The following SEM1 variants were observed in gnomAD, a reference collection of about 807,000 sequenced individuals.
The protein encoded by SEM1 is SEM1 26S proteasome subunit.
In SEM1, 3 loss-of-function variants were observed where a neutral mutation model predicts 12.7. The ratio of observed to expected loss-of-function variants is 0.24; its 90% CI spans 0.11 to 0.61. The LOEUF is 0.61. SEM1 is among the 20% of genes least tolerant of loss of function. SEM1 has a pLI of 0.88. For missense variants in SEM1, 59 were observed against 81.3 expected (o/e 0.73, Z 1.06); for synonymous variants, 30 against 27.8 (o/e 1.08, Z -0.25).
At chr7:96,621,601 C>G (rs1215726176), downstream of SEM1, 2 of 152,132 alleles carry the variant, frequency 1.3e-5, no homozygotes, top group African/African-American at 4.8e-5. Flanking sequence ...TTCTCCAGTT[C>G]TCCCTCCATC....
At chr7:96,484,725 G>A (rs1052849450) in intron 3 of SEM1, 10 of 634,788 alleles carry the variant, frequency 1.6e-5, no homozygotes, top group Middle Eastern at 4.0e-4. Context: ...TAACTCTTCC[G>A]AATGACTCAA....
In SEM1 at chr7:96,552,966, T is replaced by A. The variant is rs1286904522; in HGVS notation, c.171-46268A>T. 7.9e-5 allele frequency among the ~76,000 whole-genome samples: 12 copies of A among 151,634 alleles called. No individual in the cohort carries two copies. In the East Asian group the frequency reaches 1.9e-3, roughly 24 times the overall value. On this transcript the variant is annotated intron_variant and NMD_transcript_variant, in intron 2 of 3. Transcript: ENST00000466986. ...GCCAGTGATGATGAGCATTTTTTCA[T>A]GTGTCTTTTGGCTGCATAAATGTCT... is the stretch of plus-strand genomic sequence containing the variant.
intron 2 of SEM1, among the ~76,000 whole-genome samples, chr7:96,683,024 T>C (rs895832490): frequency 5.9e-5 from 9 of 152,064 alleles, no homozygotes; most frequent in African/African-American, 2.2e-4. Context: ...TCATGCCAGT[T>C]AGAATGGCGA....
At chr7:96,638,919 A>G (rs1215483371) in intron 2 of SEM1, among the ~76,000 whole-genome samples, 1 of 151,984 alleles carries the variant, frequency 6.6e-6, no homozygotes, top group African/African-American at 2.4e-5. Flanking sequence ...GTGACTTTGA[A>G]CAACTTACTC....
chr7:96,484,778 A>G, intron 3 of SEM1: 1 of 1,180,876 alleles, frequency 8.5e-7, no homozygotes, highest in Non-Finnish European at 1.1e-6. Flanking sequence ...CTCTCACCAT[A>G]CAGAAAAGTT....
chr7:96,651,746 A>AT (rs1245897567), intron 2 of SEM1, among the ~76,000 whole-genome samples: 9 of 152,074 alleles, frequency 5.9e-5, no homozygotes, highest in African/African-American at 2.2e-4. Context: ...TAATGTTTAT[A>AT]TTTTTTAGTA....
intron 2 of SEM1, among the ~76,000 whole-genome samples, chr7:96,584,149 T>G (rs1257195167): frequency 1.3e-5 from 2 of 152,198 alleles, no homozygotes; most frequent in East Asian, 1.9e-4. Context: ...AGGAGCTCTT[T>G]TTGGGTAGGC....
downstream of SEM1, among the ~76,000 whole-genome samples, chr7:96,620,013 C>T (rs977987292): frequency 2.0e-5 from 3 of 152,116 alleles, no homozygotes; most frequent in African/African-American, 7.2e-5. Flanking sequence ...ACTTGTGTCT[C>T]AGTCTTATGC....
intron 2 of SEM1, among the ~76,000 whole-genome samples, chr7:96,548,119 A>C (rs1805158376): frequency 6.6e-6 from 1 of 152,158 alleles, no homozygotes; most frequent in Non-Finnish European, 1.5e-5. Flanking sequence ...ATGAACAATA[A>C]AAAAATTGAA....
At chr7:96,486,450 CT>C (rs1393865091) in intron 1 of SEM1, 10 of 1,520,286 alleles carry the variant, frequency 6.6e-6, no homozygotes, top group Non-Finnish European at 8.8e-6. Flanking sequence ...TATCCTAGAC[CT>C]TTCAGGCTGG....
intron 2 of SEM1, among the ~76,000 whole-genome samples, chr7:96,561,520 C>T (rs1805690717): frequency 6.6e-6 from 1 of 152,222 alleles, no homozygotes; most frequent in Admixed American, 6.5e-5. Flanking sequence ...TAACCTGCTG[C>T]CGCTTCTCAC....
In SEM1 at chr7:96,570,729, G is replaced by A. The variant is rs575865058; in HGVS notation, c.171-64031C>T. ...TGGGTATATACCCAGTAATGGGATGGTTGGGTCGAACGGTATTTCTGGTTC... is the reference window on the plus strand; with the variant it reads ...TGGGTATATACCCAGTAATGGGATGATTGGGTCGAACGGTATTTCTGGTTC... On this transcript the variant is annotated intron_variant and NMD_transcript_variant, in intron 2 of 3. Transcript: ENST00000466986. Among the ~76,000 whole-genome samples the A allele has an allele frequency of 8.5e-5, 13 of 152,282 alleles. 1 individual carries two copies. The South Asian group carries it at 2.7e-3, about 32-fold the overall frequency.
chr7:96,576,922 A>G (rs921201816), intron 2 of SEM1, among the ~76,000 whole-genome samples: 1 of 152,158 alleles, frequency 6.6e-6, no homozygotes, highest in Non-Finnish European at 1.5e-5. Flanking sequence ...GTTTGAGACC[A>G]GCCTGACCAA....
intron 1 of SEM1, among the ~76,000 whole-genome samples, chr7:96,707,949 G>A (rs529783460): frequency 7.9e-5 from 12 of 152,336 alleles, no homozygotes; most frequent in African/African-American, 2.9e-4. Context: ...CAGGGAGTTA[G>A]ACCTTTCAGA....
At chr7:96,661,140 A>C (rs374471767) in intron 2 of SEM1, among the ~76,000 whole-genome samples, 42 of 152,286 alleles carry the variant, frequency 2.8e-4, no homozygotes, top group African/African-American at 9.4e-4. Context: ...GAGAGGTTAC[A>C]TAAGTTTACA....
upstream of SEM1, among the ~76,000 whole-genome samples, chr7:96,496,925 A>G (rs1166585113): frequency 6.6e-6 from 1 of 152,086 alleles, no homozygotes; most frequent in East Asian, 1.9e-4. Flanking sequence ...TATTTAAGCA[A>G]GAAATTGAGC....
At chr7:96,497,029 A>T (rs1176901391), upstream of SEM1, among the ~76,000 whole-genome samples, 1 of 152,038 alleles carries the variant, frequency 6.6e-6, no homozygotes, top group East Asian at 1.9e-4. Context: ...ACACACACAC[A>T]CACTCTGTCA....
Position 96,659,232 on chromosome 7 carries a change from C to T in SEM1, c.170+35566G>A, listed in dbSNP as rs931103029. Among the ~76,000 whole-genome samples, 4 of 151,886 alleles carry T rather than the reference C, an allele frequency of 2.6e-5. No individual in the cohort carries two copies. The South Asian group carries it at 6.3e-4, about 24-fold the overall frequency. On this transcript the variant is annotated intron_variant, in intron 2 of 2. Coordinates refer to the SEM1 transcript ENST00000417009. ...TAGGTTTTAGTGAAACTATAGAACA[C>T]CAAAGACAAAGGGAAAATTTGAAAA...
chr7:96,661,912 C>T (rs1055912929), intron 2 of SEM1, among the ~76,000 whole-genome samples: 3 of 146,682 alleles, frequency 2.0e-5, no homozygotes, highest in South Asian at 4.3e-4. Context: ...GGCTTGAACC[C>T]GGGAGGTAGA....
Sources: gnomAD v4.1 joint callset for allele counts (sites outside exome capture counted in the v4.1 genomes callset) on GRCh38, gnomAD v4.1.1 for gene constraint, MANE v1.5 for transcripts, NCBI Gene and HGNC (gene_info 2026-07-23, HGNC 2026-07-21) for gene names.